Variants in A4GALT observed in about 807,000 individuals in gnomAD.
A4GALT encodes alpha 1,4-galactosyltransferase (P1PK blood group).
For missense variants in A4GALT, 512 were observed against 486.0 expected, an observed-to-expected ratio of 1.05 and a Z score of -0.50; for synonymous variants, 257 against 220.7, an observed-to-expected ratio of 1.16 and a Z score of -1.46.
chr22:42,719,595 C>G (rs1199471475), intron 1 of A4GALT, among the ~76,000 whole-genome samples: 1 of 152,078 alleles, frequency 6.6e-6, no homozygotes, highest in South Asian at 2.1e-4. Flanking sequence ...CACAGTGTAG[C>G]AGGGTTTCGG....
intron 1 of A4GALT, among the ~76,000 whole-genome samples, chr22:42,701,389 T>C (rs1569044331): frequency 6.6e-6 from 1 of 152,150 alleles, no homozygotes; most frequent in Admixed American, 6.6e-5. Context: ...GGTGGACCCC[T>C]GGCCAGGGTG....
chr22:42,714,222 C>T lies in A4GALT; in HGVS notation c.-188+6575G>A, dbSNP rs149096088. On this transcript the variant is annotated intron_variant, in intron 1 of 2. Transcript: ENST00000642412. Reference sequence around the variant, plus strand: ...CCCAGAAGGCTGAGGCTGCAGTGAGCTATGCTCATACCACCGCACTCCAGC... The same window carrying T: ...CCCAGAAGGCTGAGGCTGCAGTGAGTTATGCTCATACCACCGCACTCCAGC... 3.8e-3 allele frequency among the ~76,000 whole-genome samples: 500 copies of T among 131,242 alleles called. 3 individuals carry two copies. The highest frequency in any genetic ancestry group is 0.014 in the African/African-American group (472 of 34,702). The allele number at this position is 131,242 out of a possible 152,430, so 86.1% of individuals were successfully genotyped here. A position where few individuals can be genotyped will look rare whatever the true frequency, so the allele number is the denominator to read the frequency against.
chr22:42,700,797 G>C lies in A4GALT; in HGVS notation c.-187-5166C>G, dbSNP rs546997412. On this transcript the variant is annotated intron_variant, in intron 1 of 2. Transcript: ENST00000642412. ...TCTCCAGGGCCCAGCCCACGGAACA[G>C]GCCCTCAACAGATGTGGCCACGGCC... is the stretch of plus-strand genomic sequence containing the variant. 9.2e-5 allele frequency among the ~76,000 whole-genome samples: 14 copies of C among 152,252 alleles called. 1 individual carries two copies. The highest frequency in any genetic ancestry group is 2.1e-4 in the Non-Finnish European group (14 of 68,038).
At chr22:42,714,563 CAA>C (rs560634383) in intron 1 of A4GALT, among the ~76,000 whole-genome samples, 1 of 138,600 alleles carries the variant, frequency 7.2e-6, no homozygotes, top group Non-Finnish European at 1.6e-5. Flanking sequence ...GGTCCTGTCT[CAA>C]AAAAAAAAAA....
rs112228797 is a variant in A4GALT at position 42,692,469 on chromosome 22, C to T, written c.*421G>A. ...ACCCTTGGGGCTGGGTCTCCCCCAG[C>T]CCTGCCACTTTCCTACCAACAGCCT... On this transcript the variant is annotated 3_prime_UTR_variant, in exon 3 of 3. Coordinates refer to ENST00000642412, the MANE Select transcript of A4GALT (RefSeq NM_017436.7). This position sits in a 1 kb window ranked among gnomAD's most constrained non-coding sequence, Gnocchi z 4.6. 101 of 359,024 alleles carry T rather than the reference C, an allele frequency of 2.8e-4. 1 individual carries two copies. The highest frequency in any genetic ancestry group is 3.9e-4 in the Non-Finnish European group (71 of 181,122). The allele number at this position is 359,024 out of a possible 1,614,324, so 22.2% of individuals were successfully genotyped here. A position where few individuals can be genotyped will look rare whatever the true frequency, so the allele number is the denominator to read the frequency against.
rs549114935 is a variant in A4GALT, at chr22:42,695,873, AACAG to A, written c.-187-246_-187-243del. ...CAGTCTGGTGGGGGCATCATTTAGA[AACAG>A]ACAAAGAGGCCAGGCGTGGTGGCTC... On this transcript the variant is annotated intron_variant, in intron 1 of 2. Coordinates refer to ENST00000642412, the MANE Select transcript of A4GALT (RefSeq NM_017436.7). Among the ~76,000 whole-genome samples the A allele has an allele frequency of 8.5e-5, 13 of 152,196 alleles. No homozygotes were observed. In the East Asian group the frequency reaches 2.3e-3, roughly 27 times the overall value.
In A4GALT at chr22:42,692,358, T is replaced by TG; in HGVS notation, c.*531dup. On this transcript the variant is annotated 3_prime_UTR_variant, in exon 3 of 3. Coordinates refer to ENST00000642412, the MANE Select transcript of A4GALT (RefSeq NM_017436.7). The surrounding 1 kb of genome is among the most constrained non-coding windows in gnomAD (Gnocchi z 4.6). ...CCCCAGGCTGGCACTTCTGGGCCTCTGCCCCACTCAGTCCCTGTTGACCTC... is the reference window on the plus strand; with the variant it reads ...CCCCAGGCTGGCACTTCTGGGCCTCTGGCCCCACTCAGTCCCTGTTGACCTC... 3.8e-6 allele frequency: 1 copy of TG among 265,942 alleles called. No homozygotes were observed. Among genetic ancestry groups the TG allele is most frequent in the Non-Finnish European group, 7.4e-6 (1 of 134,628 alleles). 16.5% of individuals were successfully genotyped at this position (265,942 alleles called of 1,614,324 possible). A position where few individuals can be genotyped will look rare whatever the true frequency, so the allele number is the denominator to read the frequency against.
intron 1 of A4GALT, among the ~76,000 whole-genome samples, chr22:42,714,761 G>A (rs1261746378): frequency 6.6e-6 from 1 of 151,910 alleles, no homozygotes; most frequent in African/African-American, 2.4e-5. Flanking sequence ...AGAAAGAAAA[G>A]GAAAGAGAAA....
At chr22:42,713,133 C>G (rs1310425601) in intron 1 of A4GALT, among the ~76,000 whole-genome samples, 1 of 152,144 alleles carries the variant, frequency 6.6e-6, no homozygotes, top group Non-Finnish European at 1.5e-5. Context: ...CTCTTAGGAC[C>G]CTTCTAGAAA....
chr22:42,693,370 G>C lies in A4GALT; in HGVS notation c.582C>G (p.Asp194Glu). The change falls in exon 3 of 3, where the codon GAC (aspartate) becomes GAG (glutamate). Residue 194 changes from aspartate (D) to glutamate (E), a missense_variant. Physicochemically the swap from Asp to Glu is conservative, Grantham distance 45. Transcript: ENST00000642412. ...TCCGCAGGTTCTTGAGAACAATGAAGTCCGTGTCCAGGTAGATGCCGCCGA... is the reference window on the plus strand; with the variant it reads ...TCCGCAGGTTCTTGAGAACAATGAACTCCGTGTCCAGGTAGATGCCGCCGA... ...WKFGGIYLDT[D>E]FIVLKNLRNL... is the part of the protein sequence containing the mutation. 1 of 1,613,348 alleles carries C rather than the reference G, an allele frequency of 6.2e-7. No individual in the cohort carries two copies.
chr22:42,693,876 T>C lies in A4GALT; in HGVS notation c.76A>G (p.Ile26Val). The C allele has an allele frequency of 6.2e-7, 1 of 1,610,666 alleles. No homozygotes were observed. The highest frequency in any genetic ancestry group is 8.5e-7 in the Non-Finnish European group (1 of 1,178,978). Residue 26 changes from isoleucine to valine, a missense_variant, in exon 3 of 3, where the codon ATC becomes GTC. By Grantham distance (29) the Ile-to-Val change is conservative. Coordinates refer to ENST00000642412, the MANE Select transcript of A4GALT (RefSeq NM_017436.7). ...ACGAAAAACGTGAACTTGAAGCCGA[T>C]GATGAACAGGGTGCAGACCCGCTGC... Reference protein sequence around the residue: ...PRQRVCTLFIIGFKFTFFVSI... With the variant: ...PRQRVCTLFIVGFKFTFFVSI...
intron 1 of A4GALT, among the ~76,000 whole-genome samples, chr22:42,715,841 G>T (rs6002925): frequency 0.42 from 15,765 of 37,510 alleles, 3,049 homozygotes; most frequent in African/African-American, 0.62. Flanking sequence ...CTTTTTTTTT[G>T]TTTTTTTTGA....
chr22:42,693,276 G>T lies in A4GALT; in HGVS notation c.676C>A (p.Arg226=). 1 of 1,612,912 alleles carries T rather than the reference G, an allele frequency of 6.2e-7. No homozygotes were observed. The highest frequency in any genetic ancestry group is 8.5e-7 in the Non-Finnish European group (1 of 1,179,930). The change falls in exon 3 of 3, where the codon CGG becomes AGG. Residue 226 remains arginine (R), a synonymous_variant. Coordinates refer to ENST00000642412, the MANE Select transcript of A4GALT (RefSeq NM_017436.7). The part of the protein sequence containing the change: ...LNGAFLAFER[R]HEFMALCMRD... ...ATGCACAGCGCCATGAACTCGTGCCGGCGCTCGAAGGCCAGGAACGCGCCG... is the reference window on the plus strand; with the variant it reads ...ATGCACAGCGCCATGAACTCGTGCCTGCGCTCGAAGGCCAGGAACGCGCCG...
chr22:42,720,119 C>T (rs1490159844), intron 1 of A4GALT, among the ~76,000 whole-genome samples: 1 of 152,182 alleles, frequency 6.6e-6, no homozygotes, highest in Non-Finnish European at 1.5e-5. Flanking sequence ...AGTCCTCAAC[C>T]TTCCCCAGCT....
At chr22:42,695,923 G>C (rs949456351) in intron 1 of A4GALT, among the ~76,000 whole-genome samples, 1 of 151,898 alleles carries the variant, frequency 6.6e-6, no homozygotes, top group Admixed American at 6.6e-5. Context: ...AGGAGTTCGA[G>C]ACCAGCCTGG....
chr22:42,694,110 CTCCTGGGCCCACAGGGG>C (rs1260497962), intron 2 of A4GALT, 113 bp from the exon 3 acceptor site: 2 of 692,712 alleles, frequency 2.9e-6, no homozygotes, highest in Non-Finnish European at 4.8e-6. Context: ...AGCCCATGGG[CTCCTGGGCCCACAGGGG>C]CCAAGGCTTG....
chr22:42,704,079 G>C (rs1374312226), intron 1 of A4GALT, among the ~76,000 whole-genome samples: 1 of 152,158 alleles, frequency 6.6e-6, no homozygotes, highest in Non-Finnish European at 1.5e-5. Context: ...AGGACCAAGT[G>C]TCCTGTTCCC....
At chr22:42,708,082 C>T (rs1211681168) in intron 1 of A4GALT, among the ~76,000 whole-genome samples, 1 of 151,826 alleles carries the variant, frequency 6.6e-6, no homozygotes, top group African/African-American at 2.4e-5. Context: ...GGAGAAACCC[C>T]ATCTCTACTA....
intron 1 of A4GALT, among the ~76,000 whole-genome samples, chr22:42,719,566 G>A (rs1165310390): frequency 6.6e-6 from 1 of 152,052 alleles, no homozygotes; most frequent in Non-Finnish European, 1.5e-5. Flanking sequence ...CCTCTTTTGG[G>A]GGGTTGCAGC....
Sources: allele counts gnomAD v4.1 joint callset (sites outside exome capture counted in the v4.1 genomes callset), GRCh38; gene constraint gnomAD v4.1.1; non-coding constraint Gnocchi (gnomAD v3.1); transcripts MANE v1.5; gene names NCBI Gene and HGNC (gene_info 2026-07-23, HGNC 2026-07-21).